The following WAPL variants were observed in gnomAD, a reference collection of about 807,000 sequenced individuals.
WAPL encodes the protein WAPL cohesin release factor.
In WAPL, 5 loss-of-function variants were observed where a neutral mutation model predicts 121.0. The ratio of observed to expected loss-of-function variants is 0.04; its 90% confidence interval spans 0.02 to 0.09. The LOEUF (loss-of-function observed/expected upper bound fraction) is 0.09. Among genes scored for constraint, WAPL ranks in the 10% least tolerant of loss-of-function variants. The pLI, the probability that WAPL is intolerant of heterozygous loss-of-function variation, is 1.00. For missense variants in WAPL, 999 were observed against 1,410.8 expected (o/e 0.71, Z 4.68); for synonymous variants, 480 against 481.5 (o/e 1.00, Z 0.04).
In WAPL at chr10:86,521,707, A is replaced by C. The variant is rs1406488613; in HGVS notation, c.-365T>G. ...TCCGCCGGTGAATGGTCAGTGCTGG[A>C]GTTTGAACAGGGCCCTGAACCATCT... On this transcript the variant is annotated 5_prime_UTR_variant, in exon 1 of 19. Transcript: ENST00000298767. 3 of 464,558 alleles carry C rather than the reference A, an allele frequency of 6.5e-6. No individual in the cohort carries two copies. Among genetic ancestry groups the C allele is most frequent in the Non-Finnish European group, 1.3e-5 (3 of 224,756 alleles). 28.8% of individuals were successfully genotyped at this position (464,558 alleles called of 1,614,324 possible).
At chr10:86,444,892 C>CAAAAAAAAAAAAAAAAAA (rs35307250) in intron 16 of WAPL, among the ~76,000 whole-genome samples, 3 of 68,196 alleles carry the variant, frequency 4.4e-5, no homozygotes, top group African/African-American at 5.7e-5. Context: ...GTTATTACGC[C>CAAAAAAAAAAAAAAAAAA]AAAAAAAAAA....
At chr10:86,466,176 G>A (rs1208236504) in intron 9 of WAPL, among the ~76,000 whole-genome samples, 1 of 152,164 alleles carries the variant, frequency 6.6e-6, no homozygotes, top group Non-Finnish European at 1.5e-5. Flanking sequence ...GGGAGGTGAG[G>A]TGCCTAGGAA....
In WAPL at chr10:86,499,770, G is replaced by A. The variant is rs374320302; in HGVS notation, c.1473C>T (p.Pro491=). Residue 491 remains proline, a synonymous_variant, in exon 3 of 19, where the codon CCC becomes CCT. Coordinates refer to ENST00000298767, the MANE Select transcript of WAPL (RefSeq NM_015045.5). ...KTAPSPSLQP[P]PESNDNSQDS... Reference sequence around the variant, plus strand: ...CCTGGGAATTATCATTGCTTTCTGGGGGAGGCTGCAAGGAGGGTGATGGAG... The same window carrying A: ...CCTGGGAATTATCATTGCTTTCTGGAGGAGGCTGCAAGGAGGGTGATGGAG... The A allele has an allele frequency of 5.0e-6, 8 of 1,603,526 alleles. No homozygotes were observed. Among genetic ancestry groups the A allele is most frequent in the Non-Finnish European group, 6.8e-6 (8 of 1,177,056 alleles).
Position 86,517,768 on chromosome 10 carries a change from C to T in WAPL, c.302G>A (p.Ser101Asn). 2 of 1,614,164 alleles carry T rather than the reference C, an allele frequency of 1.2e-6. No individual in the cohort carries two copies. Among genetic ancestry groups the T allele is most frequent in the Non-Finnish European group, 1.7e-6 (2 of 1,180,018 alleles). Reference sequence around the variant, plus strand: ...GACCTCTTCCAACTGAGCAGCTTCACTAGATTCTGAATAAGAGGAACACTT... The same window carrying T: ...GACCTCTTCCAACTGAGCAGCTTCATTAGATTCTGAATAAGAGGAACACTT... ...QVKCSSYSES[S>N]EAAQLEEVTS... The change falls in exon 2 of 19, where the codon AGT (serine) becomes AAT (asparagine). Residue 101 changes from serine (S) to asparagine (N), a missense_variant. By Grantham distance (46) the Ser-to-Asn change is conservative. Transcript: ENST00000298767.
At chr10:86,493,055 C>T (rs554448454) in intron 4 of WAPL, among the ~76,000 whole-genome samples, 5 of 145,440 alleles carry the variant, frequency 3.4e-5, no homozygotes, top group African/African-American at 7.7e-5. Context: ...AGTGAGACTC[C>T]GTCTCAAAAA....
In WAPL at chr10:86,500,633, T is replaced by C. The variant is rs1046143626; in HGVS notation, c.610A>G (p.Ile204Val). 9 of 1,614,046 alleles carry C rather than the reference T, an allele frequency of 5.6e-6. No individual in the cohort carries two copies. The highest frequency in any genetic ancestry group is 1.1e-5 in the South Asian group (1 of 91,062). Residue 204 changes from isoleucine to valine, a missense_variant, in exon 3 of 19, where the codon ATC (isoleucine) becomes GTC (valine). By Grantham distance (29) the Ile-to-Val change is conservative. Transcript: ENST00000298767. ...TTCCAAGTATCATTTGTTTCCTTGA[T>C]TTCAGAAGCCACTGTAGTTTCTGCA... is the stretch of plus-strand genomic sequence containing the variant. ...PNAETTVASE[I>V]KETNDTWNSQ...
intron 17 of WAPL, among the ~76,000 whole-genome samples, chr10:86,438,238 T>C (rs1367972035): frequency 6.7e-6 from 1 of 150,330 alleles, no homozygotes; most frequent in Non-Finnish European, 1.5e-5. Context: ...AAAGAAATAT[T>C]TGTGTACACA....
intron 16 of WAPL, 110 bp from the exon 17 acceptor site, chr10:86,443,473 A>C: frequency 3.7e-6 from 3 of 810,284 alleles, no homozygotes; most frequent in Non-Finnish European, 3.9e-6. Flanking sequence ...AAATCAACGA[A>C]TGATGCTAGG....
rs1849621387 is a variant in WAPL, at chr10:86,446,438, C to T, written c.3126G>A (p.Glu1042=). 1 of 1,613,932 alleles carries T rather than the reference C, an allele frequency of 6.2e-7. No individual in the cohort carries two copies. The highest frequency in any genetic ancestry group is 8.5e-7 in the Non-Finnish European group (1 of 1,179,988). Residue 1042 remains glutamate (E), a synonymous_variant, in exon 16 of 19, where the codon GAG becomes GAA. Transcript: ENST00000298767. ...AVQALVQLFL[E]RERAAQLAES... is the part of the protein sequence containing the mutation. ...CTGCTAGCTGGGCTGCCCGCTCTCG[C>T]TCAAGGAATAGCTGATAAAAATTAT... is the stretch of plus-strand genomic sequence containing the variant.
chr10:86,488,747 T>C (rs940272690), intron 4 of WAPL, among the ~76,000 whole-genome samples: 2 of 152,170 alleles, frequency 1.3e-5, no homozygotes, highest in African/African-American at 4.8e-5. Context: ...TAAAAATACA[T>C]GCATATACTC....
intron 4 of WAPL, among the ~76,000 whole-genome samples, chr10:86,475,823 G>A (rs1841637935): frequency 6.6e-6 from 1 of 152,180 alleles, no homozygotes; most frequent in Non-Finnish European, 1.5e-5. Context: ...CCCAGGCTCT[G>A]GTAACAACAG....
At chr10:86,496,725 AC>A (rs1842157708) in intron 4 of WAPL, among the ~76,000 whole-genome samples, 1 of 152,214 alleles carries the variant, frequency 6.6e-6, no homozygotes, top group South Asian at 2.1e-4. Context: ...GACAGATGTA[AC>A]CTTAGAAAAA....
chr10:86,454,429 C>A (rs1022653540), intron 12 of WAPL, among the ~76,000 whole-genome samples: 2 of 152,152 alleles, frequency 1.3e-5, no homozygotes, highest in African/African-American at 4.8e-5. Flanking sequence ...TGATGCCAAG[C>A]CGAGGCTGGA....
rs560523531 is a variant in WAPL at position 86,451,360 on chromosome 10, C to G, written c.3114+607G>C. ...GTAAGAATGCATTCTAAGCAGTGTA[C>G]CTCTTACTGATCTACAGAGAAATTA... On this transcript the variant is annotated intron_variant, in intron 15 of 18. Coordinates refer to ENST00000298767, the MANE Select transcript of WAPL (RefSeq NM_015045.5). 6.6e-5 allele frequency among the ~76,000 whole-genome samples: 10 copies of G among 152,156 alleles called. No individual in the cohort carries two copies. The South Asian group carries it at 1.9e-3, about 28-fold the overall frequency.
At chr10:86,449,025 C>T (rs1279347818) in intron 15 of WAPL, among the ~76,000 whole-genome samples, 1 of 151,946 alleles carries the variant, frequency 6.6e-6, no homozygotes, top group African/African-American at 2.4e-5. Context: ...GAGTTTAAAC[C>T]TTTCTGGATC....
chr10:86,450,253 T>G (rs1840945111), intron 15 of WAPL, among the ~76,000 whole-genome samples: 1 of 152,208 alleles, frequency 6.6e-6, no homozygotes, highest in Non-Finnish European at 1.5e-5. Context: ...TAAACGTTTT[T>G]GAGACAGGGT....
At chr10:86,440,048 G>A (rs1849422499) in intron 17 of WAPL, among the ~76,000 whole-genome samples, 1 of 152,020 alleles carries the variant, frequency 6.6e-6, no homozygotes, top group South Asian at 2.1e-4. Context: ...ATAAATCTGG[G>A]GCTCTATGAA....
chr10:86,481,283 G>C (rs1380152169), intron 4 of WAPL, among the ~76,000 whole-genome samples: 1 of 152,078 alleles, frequency 6.6e-6, no homozygotes, highest in African/African-American at 2.4e-5. Context: ...AGATCTACAT[G>C]AACTGATAGT....
chr10:86,498,952 T>TTA, intron 3 of WAPL, among the ~76,000 whole-genome samples: 1 of 152,330 alleles, frequency 6.6e-6, no homozygotes, highest in East Asian at 1.9e-4. Flanking sequence ...TGAATGTTTA[T>TTA]TAGTTTTTAG....
Sources: allele counts gnomAD v4.1 joint callset (sites outside exome capture counted in the v4.1 genomes callset), GRCh38; gene constraint gnomAD v4.1.1; transcripts MANE v1.5; gene names NCBI Gene and HGNC (gene_info 2026-07-23, HGNC 2026-07-21).